Variants in PPP1R2 observed in about 807,000 individuals in gnomAD.
PPP1R2 encodes protein phosphatase inhibitor 2.
In PPP1R2, 16 loss-of-function variants were observed where a neutral mutation model predicts 29.9. The observed-to-expected ratio is 0.53, with a 90% confidence interval of 0.36 to 0.81. The LOEUF (loss-of-function observed/expected upper bound fraction) is 0.81, where lower values mean the gene tolerates loss of function less well. Among genes scored for constraint, PPP1R2 ranks in the 30% least tolerant of loss-of-function variants. PPP1R2 has a pLI of 0.00. For missense variants in PPP1R2, 197 were observed against 252.7 expected, an observed-to-expected ratio of 0.78 and a Z score of 1.49; for synonymous variants, 76 against 91.5, an observed-to-expected ratio of 0.83 and a Z score of 0.96.
Position 195,540,833 on chromosome 3 carries a change from G to T in PPP1R2, c.122+2071C>A, listed in dbSNP as rs1388909540. On this transcript the variant is annotated intron_variant, in intron 1 of 5. Coordinates refer to ENST00000618156, the MANE Select transcript of PPP1R2 (RefSeq NM_006241.8). Reference sequence around the variant, plus strand: ...GACTTCCAAGCCTCCAGAACCGTAAGAAATAAATTCAGTTTCTTATAAATT... The same window carrying T: ...GACTTCCAAGCCTCCAGAACCGTAATAAATAAATTCAGTTTCTTATAAATT... 2.6e-5 allele frequency among the ~76,000 whole-genome samples: 4 copies of T among 152,176 alleles called. No homozygotes were observed. The East Asian group carries it at 5.8e-4, about 22-fold the overall frequency.
chr3:195,532,286 A>G (rs1357450654), intron 1 of PPP1R2, among the ~76,000 whole-genome samples: 1 of 148,836 alleles, frequency 6.7e-6, no homozygotes, highest in African/African-American at 2.5e-5. Context: ...CCTGGCCTCA[A>G]GCAATTCCCC....
At chr3:195,526,124 G>C (rs1336857999) in intron 2 of PPP1R2, among the ~76,000 whole-genome samples, 2 of 135,142 alleles carry the variant, frequency 1.5e-5, no homozygotes, top group Non-Finnish European at 3.1e-5. Context: ...TTTTGAGACA[G>C]GGTCTCATTC....
chr3:195,536,466 T>A (rs926508074), intron 1 of PPP1R2, among the ~76,000 whole-genome samples: 3 of 152,118 alleles, frequency 2.0e-5, no homozygotes, highest in Admixed American at 2.0e-4. Context: ...ATATTAATAA[T>A]GTTGTTTGGG....
intron 5 of PPP1R2, among the ~76,000 whole-genome samples, chr3:195,517,719 A>C (rs995123787): frequency 6.6e-6 from 1 of 152,200 alleles, no homozygotes; most frequent in African/African-American, 2.4e-5. Flanking sequence ...CTGCCTCTAT[A>C]ACAAAAAATA....
At position 195,523,907 on chromosome 3, in the gene PPP1R2, G is replaced by C. The variant is rs148956649; in HGVS notation, c.309-121C>G. ...ATCATTAATGTGCTAGCTATAACCT[G>C]ATGAGGAAAATAAAAGGCAAGAGAG... On this transcript the variant is annotated intron_variant, in intron 3 of 5. Transcript: ENST00000618156. The C allele has an allele frequency of 2.8e-4, 236 of 841,860 alleles. 1 individual carries two copies. The African/African-American group carries it at 3.4e-3, about 12-fold the overall frequency. The allele number at this position is 841,860 out of a possible 1,614,324, so 52.1% of individuals were successfully genotyped here. A position where few individuals can be genotyped will look rare whatever the true frequency, so the allele number is the denominator to read the frequency against.
intron 4 of PPP1R2, among the ~76,000 whole-genome samples, chr3:195,522,058 T>C (rs1718782816): frequency 6.6e-6 from 1 of 152,242 alleles, no homozygotes; most frequent in Admixed American, 6.5e-5. Context: ...TTACTTTTTA[T>C]GGGGGAATAT....
In PPP1R2 at chr3:195,533,350, A is replaced by G. The variant is rs537242849; in HGVS notation, c.123-3449T>C. 1.5e-4 allele frequency among the ~76,000 whole-genome samples: 23 copies of G among 151,548 alleles called. No individual in the cohort carries two copies. In the East Asian group the frequency reaches 4.3e-3, roughly 28 times the overall value. On this transcript the variant is annotated intron_variant, in intron 1 of 5. Coordinates refer to ENST00000618156, the MANE Select transcript of PPP1R2 (RefSeq NM_006241.8). ...ACAGAGTAAGACTCTGCCTCAGGAA[A>G]AAAAAAAAAAAAAGCTCTATGATGC...
At chr3:195,542,709 A>C (rs1190508852) in intron 1 of PPP1R2, among the ~76,000 whole-genome samples, 195 bp downstream of exon 1, 1 of 152,094 alleles carries the variant, frequency 6.6e-6, no homozygotes, top group Non-Finnish European at 1.5e-5. Flanking sequence ...ATGCTTAAAA[A>C]AAAAAAAGGA....
chr3:195,543,059 T>C lies in PPP1R2; in HGVS notation c.-34A>G. On this transcript the variant is annotated 5_prime_UTR_variant, in exon 1 of 6. Transcript: ENST00000618156. ...GCTCCGGCTGTCGGCTCAGGGTCGC[T>C]GCTTGGCGTGGGGTCCGCGAAGAGA... 1 of 1,584,318 alleles carries C rather than the reference T, an allele frequency of 6.3e-7. No individual in the cohort carries two copies. Among genetic ancestry groups the C allele is most frequent in the Non-Finnish European group, 8.6e-7 (1 of 1,166,112 alleles).
chr3:195,525,808 T>C (rs569575023), intron 2 of PPP1R2, among the ~76,000 whole-genome samples: 8 of 152,344 alleles, frequency 5.3e-5, no homozygotes, highest in East Asian at 1.9e-4. Context: ...TGCCAGTTTA[T>C]ACATTTCCTG....
intron 5 of PPP1R2, 111 bp downstream of exon 5, chr3:195,518,907 C>G: frequency 6.7e-7 from 1 of 1,495,160 alleles, no homozygotes; most frequent in South Asian, 1.3e-5. Flanking sequence ...TATAATAAAG[C>G]GAATCTCAGC....
At chr3:195,528,410 T>C (rs2108945815) in intron 2 of PPP1R2, among the ~76,000 whole-genome samples, 1 of 152,342 alleles carries the variant, frequency 6.6e-6, no homozygotes, top group African/African-American at 2.4e-5. Context: ...TCAGCATCTG[T>C]ACCTATTTCA....
chr3:195,518,638 G>A (rs896234803), intron 5 of PPP1R2, among the ~76,000 whole-genome samples: 1 of 144,356 alleles, frequency 6.9e-6, no homozygotes, highest in Non-Finnish European at 1.5e-5. Flanking sequence ...GTGACAGAGC[G>A]AGACTCTGTC....
intron 1 of PPP1R2, among the ~76,000 whole-genome samples, chr3:195,536,279 C>T (rs563163068): frequency 2.5e-5 from 3 of 118,950 alleles, no homozygotes; most frequent in African/African-American, 1.0e-4. Flanking sequence ...GGCAACATAG[C>T]GAGACCCTGT....
At position 195,516,774 on chromosome 3, in the gene PPP1R2, A is replaced by T; in HGVS notation, c.*122T>A. 1 of 756,256 alleles carries T rather than the reference A, an allele frequency of 1.3e-6. No individual in the cohort carries two copies. The highest frequency in any genetic ancestry group is 2.2e-6 in the Non-Finnish European group (1 of 452,496). 46.8% of individuals were successfully genotyped at this position (756,256 alleles called of 1,614,324 possible). On this transcript the variant is annotated 3_prime_UTR_variant, in exon 6 of 6. Transcript: ENST00000618156. The stretch of plus-strand genomic sequence containing the variant: ...CTAAGTTTATCATTTAATTCTTGGC[A>T]ATATATAATAACTGGTATGCATTTT...
At chr3:195,521,426 C>T (rs1429807794) in intron 4 of PPP1R2, among the ~76,000 whole-genome samples, 2 of 149,890 alleles carry the variant, frequency 1.3e-5, no homozygotes, top group Non-Finnish European at 3.0e-5. Context: ...ATTTTAAAAT[C>T]GTTACAAGTT....
Position 195,523,754 on chromosome 3 carries a change from TAC to T in PPP1R2, c.339_340del (p.Tyr114SerfsTer13), listed in dbSNP as rs749444457. On this transcript the variant is annotated frameshift_variant, in exon 4 of 6. Coordinates refer to ENST00000618156, the MANE Select transcript of PPP1R2 (RefSeq NM_006241.8). LOFTEE classifies it high-confidence loss of function. ...ACTGCTTTCTTGTTCCTGAATCCGA[TAC>T]TTTGGCTCCAAGCCTTCAGCTGCAG... The T allele has an allele frequency of 6.2e-7, 1 of 1,614,088 alleles. No individual in the cohort carries two copies. The highest frequency in any genetic ancestry group is 1.3e-5 in the African/African-American group (1 of 74,954).
chr3:195,520,582 A>T (rs954375562), intron 4 of PPP1R2, among the ~76,000 whole-genome samples: 46 of 152,238 alleles, frequency 3.0e-4, no homozygotes, highest in African/African-American at 1.1e-3. Context: ...ACTGCACTCC[A>T]GCCTGGGTTG....
chr3:195,543,295 C>A lies in PPP1R2; in HGVS notation c.-270G>T, dbSNP rs1022003067. On this transcript the variant is annotated 5_prime_UTR_variant, in exon 1 of 6. Coordinates refer to ENST00000618156, the MANE Select transcript of PPP1R2 (RefSeq NM_006241.8). ...CTCGCGGAGAGACGCCGGCCTAGAG[C>A]TCCAGCGCAGGAGCGACGCGACGCC... 14 of 325,632 alleles carry A rather than the reference C, an allele frequency of 4.3e-5. No homozygotes were observed. Among genetic ancestry groups the A allele is most frequent in the Admixed American group, 2.5e-4 (5 of 19,720 alleles). 20.2% of individuals were successfully genotyped at this position (325,632 alleles called of 1,614,324 possible).
Sources: gnomAD v4.1 joint callset for allele counts (sites outside exome capture counted in the v4.1 genomes callset) on GRCh38, gnomAD v4.1.1 for gene constraint, MANE v1.5 for transcripts, NCBI Gene and HGNC (gene_info 2026-07-23, HGNC 2026-07-21) for gene names.